Variants in RP1L1 observed in about 807,000 individuals in gnomAD.
RP1L1 encodes the protein retinitis pigmentosa 1-like 1 protein.
RP1L1 carries 27 observed loss-of-function variants against 15.7 expected under a neutral mutation model. The ratio of observed to expected loss-of-function variants is 1.72; its 90% CI spans 1.27 to 2.38. RP1L1 has a LOEUF of 2.38. RP1L1 is among the 30% of genes most tolerant of loss of function. The pLI, the probability that RP1L1 is intolerant of heterozygous loss-of-function variation, is 0.00. For synonymous variants in RP1L1, 1,813 were observed against 1,276.7 expected, an observed-to-expected ratio of 1.42 and a Z score of -8.96; for missense variants, 4,798 against 3,075.9, an observed-to-expected ratio of 1.56 and a Z score of -13.24.
In RP1L1 at chr8:10,613,225, C is replaced by G. The variant is rs544079946; in HGVS notation, c.873G>C (p.Arg291Ser). 4.2e-5 allele frequency: 68 copies of G among 1,613,192 alleles called. No homozygotes were observed. The South Asian group carries it at 6.8e-4, about 16-fold the overall frequency. The part of the protein sequence containing the change: ...SNPPVGPAPG[R>S]HPQDTPAQSG... ...ACTGAGCTGGCGTGTCCTGAGGGTG[C>G]CTGCCAGGAGCAGGGCCCACCGGGG... Residue 291 changes from arginine to serine, a missense_variant, in exon 4 of 4, where the codon AGG becomes AGC. Coordinates refer to ENST00000382483, the MANE Select transcript of RP1L1 (RefSeq NM_178857.6).
chr8:10,630,597 G>C (rs1490785739), intron 1 of RP1L1, among the ~76,000 whole-genome samples: 2 of 152,204 alleles, frequency 1.3e-5, no homozygotes, highest in Admixed American at 6.5e-5. Context: ...GGTCAGAGAA[G>C]GGAGCTTTGC....
rs777589526 is a variant in RP1L1, at chr8:10,608,533, C to G, written c.5565G>C (p.Glu1855Asp). The change falls in exon 4 of 4, where the codon GAG becomes GAC. Residue 1855 changes from glutamate (E) to aspartate (D), a missense_variant. Coordinates refer to ENST00000382483, the MANE Select transcript of RP1L1 (RefSeq NM_178857.6). ...QPESEGVEAPEAEGDAQEAEG... is the reference protein window; with the variant it reads ...QPESEGVEAPDAEGDAQEAEG... ...CAGCCTCCTGGGCATCCCCTTCTGCCTCTGGGGCCTCTACACCTTCTGACT... is the reference window on the plus strand; with the variant it reads ...CAGCCTCCTGGGCATCCCCTTCTGCGTCTGGGGCCTCTACACCTTCTGACT... 6.2e-7 allele frequency: 1 copy of G among 1,600,752 alleles called. No homozygotes were observed. Among genetic ancestry groups the G allele is most frequent in the South Asian group, 1.1e-5 (1 of 89,980 alleles).
chr8:10,618,349 G>GA (rs1398140855), intron 2 of RP1L1, among the ~76,000 whole-genome samples: 1 of 151,074 alleles, frequency 6.6e-6, no homozygotes, highest in Admixed American at 6.6e-5. Context: ...AAAATACAAA[G>GA]AAAAAAAAAT....
chr8:10,641,491 C>G (rs546281002), intron 1 of RP1L1, among the ~76,000 whole-genome samples: 1 of 152,128 alleles, frequency 6.6e-6, no homozygotes, highest in Non-Finnish European at 1.5e-5. Context: ...AGAACAAAAA[C>G]GAAATACACA....
intron 2 of RP1L1, among the ~76,000 whole-genome samples, chr8:10,619,934 A>T (rs1297154596): frequency 7.0e-6 from 1 of 143,762 alleles, no homozygotes; most frequent in African/African-American, 2.6e-5. Context: ...GCGCTCCACC[A>T]TGGGTGACAG....
chr8:10,644,960 T>C (rs981947830), intron 1 of RP1L1, among the ~76,000 whole-genome samples: 6 of 152,220 alleles, frequency 3.9e-5, no homozygotes, highest in African/African-American at 1.4e-4. Flanking sequence ...GACTGATTTT[T>C]AGCACTAATG....
At chr8:10,646,903 A>C (rs890077251) in intron 1 of RP1L1, among the ~76,000 whole-genome samples, 1 of 152,232 alleles carries the variant, frequency 6.6e-6, no homozygotes, top group African/African-American at 2.4e-5. Flanking sequence ...AGGCACTTGC[A>C]GTCACTTTTC....
intron 1 of RP1L1, among the ~76,000 whole-genome samples, chr8:10,640,873 C>A (rs536427709): frequency 2.0e-5 from 3 of 152,150 alleles, no homozygotes; most frequent in South Asian, 2.1e-4. Context: ...CAGGCTGAAG[C>A]GATCCTCTCA....
intron 1 of RP1L1, among the ~76,000 whole-genome samples, chr8:10,633,610 G>A (rs1030461840): frequency 2.0e-5 from 3 of 152,094 alleles, no homozygotes; most frequent in African/African-American, 4.8e-5. Flanking sequence ...GCAGCGTCCC[G>A]CACAGGAGGC....
In RP1L1 at chr8:10,612,922, C is replaced by A; in HGVS notation, c.1176G>T (p.Arg392Ser). The A allele has an allele frequency of 6.2e-7, 1 of 1,613,098 alleles. No homozygotes were observed. The highest frequency in any genetic ancestry group is 2.2e-5 in the East Asian group (1 of 44,876). The change falls in exon 4 of 4, where the codon AGG (arginine) becomes AGT (serine). Residue 392 changes from arginine (R) to serine (S), a missense_variant. Coordinates refer to ENST00000382483, the MANE Select transcript of RP1L1 (RefSeq NM_178857.6). ...GCTGCCCGCCTCGGCCAAAGACTTC[C>A]CTGCATCCCACCCTGCAGGGCCGGG... is the stretch of plus-strand genomic sequence containing the variant. ...WGPRPCRVGC[R>S]EVFGRGGQPG...
At chr8:10,633,666 C>G (rs1162611796) in intron 1 of RP1L1, among the ~76,000 whole-genome samples, 1 of 152,116 alleles carries the variant, frequency 6.6e-6, no homozygotes, top group Non-Finnish European at 1.5e-5. Context: ...CACCATCCAC[C>G]CAGAGCACCA....
Position 10,622,711 on chromosome 8 carries a change from A to G in RP1L1, c.491T>C (p.Leu164Pro). The G allele has an allele frequency of 1.2e-6, 2 of 1,614,140 alleles. No homozygotes were observed. The highest frequency in any genetic ancestry group is 8.5e-7 in the Non-Finnish European group (1 of 1,180,030). Residue 164 changes from leucine (L) to proline (P), a missense_variant, in exon 2 of 4, where the codon CTC becomes CCC. Coordinates refer to ENST00000382483, the MANE Select transcript of RP1L1 (RefSeq NM_178857.6). ...GTGACTGAGAACCACTGTCTGCTGG[A>G]GGCGAGGGTCCATGTTCTTAATCAG... The part of the protein sequence containing the change: ...ILLIKNMDPR[L>P]QQTVVLSHRN...
intron 1 of RP1L1, among the ~76,000 whole-genome samples, chr8:10,653,813 A>C (rs1189025627): frequency 4.6e-5 from 7 of 152,222 alleles, no homozygotes; most frequent in Admixed American, 2.0e-4. Flanking sequence ...GGGTAAATAA[A>C]GAACGATGTG....
chr8:10,654,574 C>A (rs1401211359), intron 1 of RP1L1, among the ~76,000 whole-genome samples: 2 of 152,170 alleles, frequency 1.3e-5, no homozygotes, highest in African/African-American at 4.8e-5. Context: ...ATTTCTCCCT[C>A]TCTGACTCCA....
At position 10,610,895 on chromosome 8, in the gene RP1L1, C is replaced by T. The variant is rs775897747; in HGVS notation, c.3203G>A (p.Cys1068Tyr). 1.9e-6 allele frequency: 3 copies of T among 1,610,462 alleles called. No individual in the cohort carries two copies. The highest frequency in any genetic ancestry group is 2.5e-6 in the Non-Finnish European group (3 of 1,178,818). ...AGADREAPAG[C>Y]RVSLRALPGR... ...AGGAAGTGCCCGCAGGCTCACCCTGCAGCCTGCTGGGGCCTCTCTGTCTGC... is the reference window on the plus strand; with the variant it reads ...AGGAAGTGCCCGCAGGCTCACCCTGTAGCCTGCTGGGGCCTCTCTGTCTGC... The change falls in exon 4 of 4, where the codon TGC becomes TAC. Residue 1068 changes from cysteine (C) to tyrosine (Y), a missense_variant. Physicochemically the swap from Cys to Tyr is radical, Grantham distance 194. Coordinates refer to ENST00000382483, the MANE Select transcript of RP1L1 (RefSeq NM_178857.6).
chr8:10,611,454 G>T lies in RP1L1; in HGVS notation c.2644C>A (p.Arg882=). Residue 882 remains arginine (R), a synonymous_variant, in exon 4 of 4, where the codon CGG becomes AGG. Transcript: ENST00000382483. ...TCCTGCGGGCTCCCACCTGGCCCCCGGGCAGTGCTTTGGTGGCTGCTGCCG... is the reference window on the plus strand; with the variant it reads ...TCCTGCGGGCTCCCACCTGGCCCCCTGGCAGTGCTTTGGTGGCTGCTGCCG... ...STGSSHQSTA[R]GPGGSPQEGT... 1 of 1,571,164 alleles carries T rather than the reference G, an allele frequency of 6.4e-7. No homozygotes were observed. The highest frequency in any genetic ancestry group is 8.6e-7 in the Non-Finnish European group (1 of 1,160,768).
rs775050585 is a variant in RP1L1 at position 10,622,904 on chromosome 8, C to G, written c.298G>C (p.Gly100Arg). 7.4e-6 allele frequency: 12 copies of G among 1,613,858 alleles called. No homozygotes were observed. Among genetic ancestry groups the G allele is most frequent in the Non-Finnish European group, 6.8e-6 (8 of 1,179,956 alleles). ...TTCTTATCAGAGCAGAGGTAGCAGC[C>G]TCCATCTTCCAGCTGCTCCAGGGCG... ...LSALEQLEDG[G>R]CYLCSDKKPP... The change falls in exon 2 of 4, where the codon GGC becomes CGC. Residue 100 changes from glycine to arginine, a missense_variant. Physicochemically the swap from Gly to Arg is moderately radical, Grantham distance 125 (BLOSUM62 -2). Coordinates refer to ENST00000382483, the MANE Select transcript of RP1L1 (RefSeq NM_178857.6).
intron 2 of RP1L1, among the ~76,000 whole-genome samples, chr8:10,617,836 G>A (rs968635748): frequency 5.3e-5 from 8 of 152,266 alleles, no homozygotes; most frequent in African/African-American, 9.6e-5. Flanking sequence ...GATTACAGGC[G>A]TGAGCCACTG....
rs1347180542 is a variant in RP1L1 at position 10,637,005 on chromosome 8, C to G, written c.-19-13785G>C. ...CAGCAGGGCTCTACGTGGGGCCACTCTGCAGTGTACAAAGCATCGTCACTC... is the reference window on the plus strand; with the variant it reads ...CAGCAGGGCTCTACGTGGGGCCACTGTGCAGTGTACAAAGCATCGTCACTC... On this transcript the variant is annotated intron_variant, in intron 1 of 3. Coordinates refer to ENST00000382483, the MANE Select transcript of RP1L1 (RefSeq NM_178857.6). Among the ~76,000 whole-genome samples the G allele has an allele frequency of 2.0e-5, 3 of 152,234 alleles. No homozygotes were observed. In the East Asian group the frequency reaches 5.8e-4, roughly 29 times the overall value.
Sources: gnomAD v4.1 joint callset for allele counts (sites outside exome capture counted in the v4.1 genomes callset) on GRCh38, gnomAD v4.1.1 for gene constraint, MANE v1.5 for transcripts, NCBI Gene and HGNC (gene_info 2026-07-23, HGNC 2026-07-21) for gene names.